The following EFCAB13 variants were observed in gnomAD, a reference collection of about 807,000 sequenced individuals.
EFCAB13 encodes EF-hand calcium binding domain 13.
Under a neutral mutation model 110.2 loss-of-function variants are expected in EFCAB13, and 91 were observed. That is an observed-to-expected ratio of 0.83 (90% CI 0.70 to 0.98). The LOEUF is 0.98. EFCAB13 is among the 50% of genes least tolerant of loss of function. The probability of loss-of-function intolerance (pLI) is 0.00; values close to 1 mark genes in which losing one functional copy is unlikely to be tolerated. For missense variants in EFCAB13, 968 were observed against 1,119.4 expected, an observed-to-expected ratio of 0.86 and a Z score of 1.93; for synonymous variants, 323 against 369.9, an observed-to-expected ratio of 0.87 and a Z score of 1.45.
chr17:47,429,770 T>C (rs1905072341), intron 23 of EFCAB13, 48 bp from the exon 24 acceptor site: 2 of 1,529,120 alleles, frequency 1.3e-6, no homozygotes, highest in African/African-American at 1.4e-5. Flanking sequence ...TAATAACATA[T>C]GCTCTATTTC....
rs183233628 is a variant in EFCAB13, at chr17:47,440,199, A to G, written c.2639-232A>G. On this transcript the variant is annotated intron_variant, in intron 24 of 24. Coordinates refer to ENST00000331493, the MANE Select transcript of EFCAB13 (RefSeq NM_152347.5). The stretch of plus-strand genomic sequence containing the variant: ...GGTGGCATAGGTTTTTAAAGATGCC[A>G]TTGTAATAATAAAGGTATTAGTTAA... Among the ~76,000 whole-genome samples the G allele has an allele frequency of 3.5e-3, 534 of 152,296 alleles. 2 individuals carry two copies. The highest frequency in any genetic ancestry group is 0.012 in the African/African-American group (519 of 41,566).
intron 17 of EFCAB13, among the ~76,000 whole-genome samples, chr17:47,399,318 C>T (rs1002098639): frequency 7.9e-5 from 12 of 152,130 alleles, no homozygotes; most frequent in East Asian, 3.8e-4. Context: ...TGTATCTGTA[C>T]GCCATTTGTC....
chr17:47,391,718 C>A, intron 15 of EFCAB13, 138 bp downstream of exon 15: 1 of 707,458 alleles, frequency 1.4e-6, no homozygotes, highest in South Asian at 2.7e-5. Context: ...TATGGAAATA[C>A]TCAAAAGTAC....
At chr17:47,344,681 C>T (rs770079289) in intron 7 of EFCAB13, among the ~76,000 whole-genome samples, 2 of 152,070 alleles carry the variant, frequency 1.3e-5, no homozygotes, top group African/African-American at 2.4e-5. Context: ...GATTCTTTGG[C>T]TGTTTAAAGA....
At chr17:47,394,618 G>A (rs59437802) in intron 16 of EFCAB13, among the ~76,000 whole-genome samples, 13,377 of 152,212 alleles carry the variant, frequency 0.088, 849 homozygotes, top group East Asian at 0.35. Flanking sequence ...AAGGTCACAT[G>A]TGTATATTTT....
chr17:47,431,235 ACC>A lies in EFCAB13; in HGVS notation c.2638+1277_2638+1278del. ...AACTGTATTTTGTACCCATTAACCAACCCCTTTTTTTAATCTCCTTCCGCCTA... is the reference window on the plus strand; with the variant it reads ...AACTGTATTTTGTACCCATTAACCAACCTTTTTTTAATCTCCTTCCGCCTA... On this transcript the variant is annotated intron_variant, in intron 24 of 24. Transcript: ENST00000331493. The surrounding 1 kb of genome is among the most constrained non-coding windows in gnomAD (Gnocchi z 4.1). 6.6e-6 allele frequency among the ~76,000 whole-genome samples: 1 copy of A among 150,570 alleles called. No homozygotes were observed. Among genetic ancestry groups the A allele is most frequent in the Admixed American group, 6.6e-5 (1 of 15,168 alleles).
intron 21 of EFCAB13, 22 bp downstream of exon 21, chr17:47,409,713 G>T: frequency 6.4e-7 from 1 of 1,566,568 alleles, no homozygotes; most frequent in South Asian, 1.1e-5. Context: ...CTTTGTATAT[G>T]AGAAAATTTT....
chr17:47,391,499 C>T lies in EFCAB13; in HGVS notation c.1645C>T (p.Leu549=). 1 of 1,593,740 alleles carries T rather than the reference C, an allele frequency of 6.3e-7. No homozygotes were observed. Among genetic ancestry groups the T allele is most frequent in the Non-Finnish European group, 8.5e-7 (1 of 1,172,320 alleles). Reference sequence around the variant, plus strand: ...AGATAAAAATGTGGATTATGAGGATCTAAATACTTGTCTTCAAAATTTTGG... The same window carrying T: ...AGATAAAAATGTGGATTATGAGGATTTAAATACTTGTCTTCAAAATTTTGG... ...IKDKNVDYED[L]NTCLQNFGIY... is the part of the protein sequence containing the mutation. The change falls in exon 15 of 25, where the codon CTA becomes TTA. Residue 549 remains leucine, a synonymous_variant. Transcript: ENST00000331493.
At chr17:47,362,600 C>G (rs971754519) in intron 10 of EFCAB13, among the ~76,000 whole-genome samples, 5 of 152,210 alleles carry the variant, frequency 3.3e-5, no homozygotes, top group Non-Finnish European at 7.3e-5. Flanking sequence ...CGCAGTTATC[C>G]GGAGGCCTAA....
At chr17:47,367,863 C>T (rs9889709) in intron 10 of EFCAB13, among the ~76,000 whole-genome samples, 79,638 of 151,912 alleles carry the variant, frequency 0.52, 21,365 homozygotes, top group Middle Eastern at 0.58. Flanking sequence ...CAGCTCCAGG[C>T]CTGGGAAAGC....
rs1191527053 is a variant in EFCAB13, at chr17:47,377,808, T to C, written c.1415T>C (p.Ile472Thr). Residue 472 changes from isoleucine (I) to threonine (T), a missense_variant, in exon 13 of 25, where the codon ATT becomes ACT. Transcript: ENST00000331493. The stretch of plus-strand genomic sequence containing the variant: ...ATCAGTAAACTTCAAGAAAATTACA[T>C]TGCAGCAGAAGAACTTCAGTCTATT... ...EAISKLQENYIAAEELQSILP... is the reference protein window; with the variant it reads ...EAISKLQENYTAAEELQSILP... 3 of 1,589,832 alleles carry C rather than the reference T, an allele frequency of 1.9e-6. No homozygotes were observed. Among genetic ancestry groups the C allele is most frequent in the Non-Finnish European group, 2.6e-6 (3 of 1,173,858 alleles).
intron 9 of EFCAB13, 57 bp downstream of exon 9, chr17:47,348,008 C>G (rs551512818): frequency 2.4e-6 from 3 of 1,265,720 alleles, no homozygotes; most frequent in Non-Finnish European, 3.1e-6. Flanking sequence ...ATATGTTTGT[C>G]AGATTAATTA....
At chr17:47,347,756 G>C in intron 8 of EFCAB13, 52 bp from the exon 9 acceptor site, 1 of 1,290,100 alleles carries the variant, frequency 7.8e-7, no homozygotes. Flanking sequence ...GGGGAATAAG[G>C]ATAATTATTC....
intron 12 of EFCAB13, among the ~76,000 whole-genome samples, chr17:47,376,407 A>T (rs929579006): frequency 6.6e-6 from 1 of 152,202 alleles, no homozygotes; most frequent in African/African-American, 2.4e-5. Flanking sequence ...AGTGATATCT[A>T]CCTTTCTCGT....
chr17:47,384,486 C>A (rs1180208681), intron 14 of EFCAB13, among the ~76,000 whole-genome samples: 1 of 147,618 alleles, frequency 6.8e-6, no homozygotes, highest in Non-Finnish European at 1.5e-5. Flanking sequence ...GAAAGTTTTT[C>A]CCTTCTTAAT....
At chr17:47,331,157 A>G (rs1171232447) in intron 4 of EFCAB13, among the ~76,000 whole-genome samples, 1 of 151,734 alleles carries the variant, frequency 6.6e-6, no homozygotes, top group Non-Finnish European at 1.5e-5. Flanking sequence ...ATTCCTTGTA[A>G]ATTCTGGATA....
chr17:47,361,671 C>T (rs2065514307), intron 10 of EFCAB13, 150 bp downstream of exon 10: 1 of 533,728 alleles, frequency 1.9e-6, no homozygotes, highest in Non-Finnish European at 3.0e-6. Context: ...TTACTGGTGT[C>T]TATAGTAAGA....
At chr17:47,364,440 G>C (rs2065534408) in intron 10 of EFCAB13, among the ~76,000 whole-genome samples, 1 of 151,970 alleles carries the variant, frequency 6.6e-6, no homozygotes, top group Non-Finnish European at 1.5e-5. Context: ...CAGCCTCCGA[G>C]TAGCTGGGAT....
chr17:47,377,624 G>C, intron 12 of EFCAB13, 142 bp from the exon 13 acceptor site: 2 of 601,892 alleles, frequency 3.3e-6, no homozygotes, highest in Admixed American at 3.7e-5. Context: ...AACAGATATG[G>C]AGAGAAAAGC....
Sources: gnomAD v4.1 joint callset for allele counts (sites outside exome capture counted in the v4.1 genomes callset) on GRCh38, gnomAD v4.1.1 for gene constraint, Gnocchi (gnomAD v3.1) non-coding constraint, MANE v1.5 for transcripts, NCBI Gene and HGNC (gene_info 2026-07-23, HGNC 2026-07-21) for gene names.